The following RDH8 variants were observed in gnomAD, a reference collection of about 807,000 sequenced individuals.
The protein encoded by RDH8 is retinol dehydrogenase 8.
A neutral mutation model predicts 22.3 loss-of-function variants in RDH8; 14 were observed. That is an observed-to-expected ratio of 0.63 (90% CI 0.42 to 0.98). The LOEUF (loss-of-function observed/expected upper bound fraction) is 0.98, where lower values mean the gene tolerates loss of function less well. RDH8 is among the 50% of genes least tolerant of loss of function. The pLI is 0.00. For missense variants in RDH8, 389 were observed against 409.8 expected, an observed-to-expected ratio of 0.95 and a Z score of 0.44; for synonymous variants, 175 against 171.7, an observed-to-expected ratio of 1.02 and a Z score of -0.15.
chr19:10,021,590 C>A lies in RDH8; in HGVS notation c.777C>A (p.Ile259=). 1 of 1,614,190 alleles carries A rather than the reference C, an allele frequency of 6.2e-7. No individual in the cohort carries two copies. Among genetic ancestry groups the A allele is most frequent in the South Asian group, 1.1e-5 (1 of 91,082 alleles). ...CACCCCTGCGCCGACAGACCAACAT[C>A]CGCTACTCGCCGCTGACCACGCTCA... is the stretch of plus-strand genomic sequence containing the variant. ...TRPPLRRQTN[I]RYSPLTTLKT... Residue 259 remains isoleucine, a synonymous_variant, in exon 6 of 6, where the codon ATC becomes ATA. Transcript: ENST00000591589.
chr19:10,018,355 A>G (rs1201803351), intron 2 of RDH8, among the ~76,000 whole-genome samples: 2 of 152,222 alleles, frequency 1.3e-5, no homozygotes, highest in African/African-American at 4.8e-5. Context: ...GGAGAAAGCC[A>G]TATGTGGTTG....
chr19:10,016,365 CAG>C (rs1209416524), intron 1 of RDH8, among the ~76,000 whole-genome samples: 1 of 150,636 alleles, frequency 6.6e-6, no homozygotes, highest in Admixed American at 6.6e-5. Flanking sequence ...CCATGTTAGC[CAG>C]GATGGTCTCG....
chr19:10,018,512 C>T (rs2087635771), intron 2 of RDH8, among the ~76,000 whole-genome samples: 1 of 152,180 alleles, frequency 6.6e-6, no homozygotes, highest in Non-Finnish European at 1.5e-5. Flanking sequence ...AAGGGGGGCA[C>T]TATTCCCAGC....
intron 3 of RDH8, among the ~76,000 whole-genome samples, chr19:10,020,085 C>T (rs1174729486): frequency 1.3e-5 from 2 of 151,866 alleles, no homozygotes; most frequent in Non-Finnish European, 2.9e-5. Context: ...AGGCTGCACT[C>T]CAGCCTGAAC....
rs200901287 is a variant in RDH8, at chr19:10,015,968, AT to A, written c.104-1088del. On this transcript the variant is annotated intron_variant, in intron 1 of 5. Coordinates refer to ENST00000591589, the MANE Select transcript of RDH8 (RefSeq NM_015725.4). ...TGAAACTTCGTCTCAAAAAAAAAAT[AT>A]ATATATATATATGGCTATTCACTTC... Among the ~76,000 whole-genome samples the A allele has an allele frequency of 3.6e-3, 529 of 146,560 alleles. 4 individuals carry two copies. The highest frequency in any genetic ancestry group is 0.012 in the African/African-American group (491 of 39,332).
chr19:10,018,863 G>A lies in RDH8; in HGVS notation c.395G>A (p.Arg132Lys). The change falls in exon 3 of 6, where the codon AGG becomes AAG. Residue 132 changes from arginine to lysine, a missense_variant. Transcript: ENST00000591589. Reference protein sequence around the residue: ...VKAVLPGMKRRRQGHIVVISS... With the variant: ...VKAVLPGMKRKRQGHIVVISS... ...GCTGTGCTTCCAGGCATGAAGAGGA[G>A]GCGGCAGGGCCACATCGTGGTGATC... is the stretch of plus-strand genomic sequence containing the variant. The A allele has an allele frequency of 6.2e-6, 10 of 1,613,750 alleles. No homozygotes were observed. Among genetic ancestry groups the A allele is most frequent in the Non-Finnish European group, 8.5e-6 (10 of 1,179,756 alleles).
In RDH8 at chr19:10,018,832, G is replaced by A. The variant is rs762655339; in HGVS notation, c.364G>A (p.Val122Ile). Residue 122 changes from valine (V) to isoleucine (I), a missense_variant, in exon 3 of 6, where the codon GTC becomes ATC. By Grantham distance (29) the Val-to-Ile change is conservative. Coordinates refer to ENST00000591589, the MANE Select transcript of RDH8 (RefSeq NM_015725.4). ...CAACTTTTTCGGAGCTGTCCGTCTC[G>A]TCAAAGCTGTGCTTCCAGGCATGAA... ...DTNFFGAVRL[V>I]KAVLPGMKRR... The A allele has an allele frequency of 4.2e-5, 67 of 1,613,716 alleles. No individual in the cohort carries two copies. The East Asian group carries it at 6.9e-4, about 17-fold the overall frequency.
intron 3 of RDH8, among the ~76,000 whole-genome samples, chr19:10,019,241 T>C (rs902089891): frequency 6.6e-6 from 1 of 151,974 alleles, no homozygotes; most frequent in African/African-American, 2.4e-5. Flanking sequence ...TAGGTTGCAG[T>C]GAGCCAAGAT....
At chr19:10,015,868 C>T (rs2087609846) in intron 1 of RDH8, among the ~76,000 whole-genome samples, 1 of 151,546 alleles carries the variant, frequency 6.6e-6, no homozygotes. Context: ...AGGGGAATTG[C>T]TTGAACCCAG....
chr19:10,020,009 T>G (rs913385917), intron 3 of RDH8, among the ~76,000 whole-genome samples: 1 of 150,746 alleles, frequency 6.6e-6, no homozygotes, highest in Non-Finnish European at 1.5e-5. Context: ...GGTGTGGTGG[T>G]GTGCACCTGT....
chr19:10,013,952 G>T (rs2087589366), intron 1 of RDH8, among the ~76,000 whole-genome samples: 1 of 151,882 alleles, frequency 6.6e-6, no homozygotes, highest in Admixed American at 6.6e-5. Flanking sequence ...CAGGGGGTGG[G>T]TGGGGGTTAT....
At chr19:10,018,705 G>T in intron 2 of RDH8, 26 bp from the exon 3 acceptor site, 1 of 1,551,788 alleles carries the variant, frequency 6.4e-7, no homozygotes, top group Non-Finnish European at 8.8e-7. Context: ...GGACTTTAAG[G>T]TAACCCTTAG....
intron 2 of RDH8, among the ~76,000 whole-genome samples, chr19:10,018,261 A>T (rs543184748): frequency 5.9e-4 from 90 of 152,230 alleles, no homozygotes; most frequent in Non-Finnish European, 9.3e-4. Flanking sequence ...CAATTTTTTT[A>T]AAAAACAAAA....
chr19:10,021,862 C>CCT lies in RDH8; in HGVS notation c.*115_*116dup. ...TATTCATTCTGCAAACTCCCCCTCC[C>CCT]CTCCTCTGTGCCTAGACATGGCTAG... On this transcript the variant is annotated 3_prime_UTR_variant, in exon 6 of 6. Coordinates refer to ENST00000591589, the MANE Select transcript of RDH8 (RefSeq NM_015725.4). 2 of 1,111,276 alleles carry CCT rather than the reference C, an allele frequency of 1.8e-6. No individual in the cohort carries two copies. Among genetic ancestry groups the CCT allele is most frequent in the Non-Finnish European group, 2.6e-6 (2 of 779,280 alleles). The allele number at this position is 1,111,276 out of a possible 1,614,324, so 68.8% of individuals were successfully genotyped here.
At chr19:10,018,303 T>C (rs2087634808) in intron 2 of RDH8, among the ~76,000 whole-genome samples, 1 of 152,126 alleles carries the variant, frequency 6.6e-6, no homozygotes, top group Admixed American at 6.5e-5. Flanking sequence ...ATCTGAGGCC[T>C]GGAGGTGGGG....
In RDH8 at chr19:10,015,753, A is replaced by T. The variant is rs1200069207; in HGVS notation, c.104-1304A>T. On this transcript the variant is annotated intron_variant, in intron 1 of 5. Transcript: ENST00000591589. ...TCACCTGAGGTTCGAGACCAGGCTGACCAATATGGTGAAACCCCGTCTCTA... is the reference window on the plus strand; with the variant it reads ...TCACCTGAGGTTCGAGACCAGGCTGTCCAATATGGTGAAACCCCGTCTCTA... Among the ~76,000 whole-genome samples the T allele has an allele frequency of 2.0e-5, 3 of 151,502 alleles. No individual in the cohort carries two copies. The South Asian group carries it at 6.3e-4, about 32-fold the overall frequency.
intron 2 of RDH8, 81 bp from the exon 3 acceptor site, chr19:10,018,650 T>G: frequency 5.2e-6 from 6 of 1,145,540 alleles, no homozygotes; most frequent in Non-Finnish European, 7.4e-6. Context: ...GAGTACGGGG[T>G]GAGGTGCTTC....
intron 1 of RDH8, among the ~76,000 whole-genome samples, chr19:10,015,525 A>G (rs1428201418): frequency 6.6e-6 from 1 of 152,036 alleles, no homozygotes. Flanking sequence ...GCTACTTGAG[A>G]GGCTAAGGCA....
At chr19:10,018,008 C>T (rs1251393760) in intron 2 of RDH8, among the ~76,000 whole-genome samples, 1 of 150,874 alleles carries the variant, frequency 6.6e-6, no homozygotes, top group Non-Finnish European at 1.5e-5. Context: ...TGCAATGGCG[C>T]AATCTCAGCT....
Sources: gnomAD v4.1 joint callset for allele counts (sites outside exome capture counted in the v4.1 genomes callset) on GRCh38, gnomAD v4.1.1 for gene constraint, MANE v1.5 for transcripts, NCBI Gene and HGNC (gene_info 2026-07-23, HGNC 2026-07-21) for gene names.